The following FRAS1 variants were observed in gnomAD, a reference collection of about 807,000 sequenced individuals.
The protein encoded by FRAS1 is extracellular matrix organizing protein FRAS1.
FRAS1 carries 290 observed loss-of-function variants against 435.2 expected under a neutral mutation model. That is an observed-to-expected ratio of 0.67 (90% CI 0.61 to 0.73). FRAS1 has a LOEUF of 0.73. FRAS1 is among the 30% of genes least tolerant of loss of function. FRAS1 has a pLI of 0.00. For missense variants in FRAS1, 4,860 were observed against 5,001.5 expected (o/e 0.97, Z 0.85); for synonymous variants, 1,800 against 1,851.0 (o/e 0.97, Z 0.71).
intron 9 of FRAS1, among the ~76,000 whole-genome samples, chr4:78,273,893 C>T (rs1726851979): frequency 6.6e-6 from 1 of 152,136 alleles, no homozygotes; most frequent in South Asian, 2.1e-4. Context: ...GGAATGGTAC[C>T]AGCTCCTCCT....
chr4:78,487,391 C>G (rs1720202950), intron 58 of FRAS1, among the ~76,000 whole-genome samples: 1 of 152,178 alleles, frequency 6.6e-6, no homozygotes, highest in South Asian at 2.1e-4. Flanking sequence ...CTTATCACCC[C>G]TCCTCTCATT....
chr4:78,186,688 C>A (rs1045190977), intron 2 of FRAS1, among the ~76,000 whole-genome samples: 2 of 152,134 alleles, frequency 1.3e-5, no homozygotes, highest in African/African-American at 4.8e-5. Flanking sequence ...TAGACAACAT[C>A]AAAATTGTGT....
At chr4:78,440,017 C>CTTTTTTTTTTT (rs1163344254) in intron 40 of FRAS1, among the ~76,000 whole-genome samples, 2 of 93,034 alleles carry the variant, frequency 2.1e-5, no homozygotes, top group Non-Finnish European at 4.1e-5. Flanking sequence ...TAAGTCATTT[C>CTTTTTTTTTTT]TTTTTTTTTT....
chr4:78,412,908 C>T (rs1189978226), intron 31 of FRAS1, 61 bp from the exon 32 acceptor site: 11 of 964,154 alleles, frequency 1.1e-5, no homozygotes, highest in South Asian at 3.7e-5. Flanking sequence ...GAAAAACCCA[C>T]GTACTAACAT....
chr4:78,151,992 C>T (rs929759497), intron 2 of FRAS1, among the ~76,000 whole-genome samples: 1 of 152,238 alleles, frequency 6.6e-6, no homozygotes, highest in African/African-American at 2.4e-5. Flanking sequence ...TTGCAATAAT[C>T]GTATTAGTCT....
chr4:78,275,055 T>C (rs992673290), intron 9 of FRAS1, among the ~76,000 whole-genome samples: 3 of 152,198 alleles, frequency 2.0e-5, no homozygotes, highest in Admixed American at 6.5e-5. Flanking sequence ...ATTGATCCCT[T>C]TACCATTATG....
chr4:78,171,595 G>A (rs1721562449), intron 2 of FRAS1, among the ~76,000 whole-genome samples: 1 of 152,040 alleles, frequency 6.6e-6, no homozygotes, highest in Admixed American at 6.5e-5. Flanking sequence ...CTTCCACGGG[G>A]ACTCCCTTTG....
At chr4:78,189,119 G>C (rs1162074218) in intron 2 of FRAS1, among the ~76,000 whole-genome samples, 1 of 152,180 alleles carries the variant, frequency 6.6e-6, no homozygotes, top group Admixed American at 6.5e-5. Flanking sequence ...TACATCATCT[G>C]CTTCTAGTTC....
intron 14 of FRAS1, among the ~76,000 whole-genome samples, chr4:78,287,905 A>G (rs1375380320): frequency 2.0e-5 from 3 of 152,174 alleles, no homozygotes; most frequent in Non-Finnish European, 4.4e-5. Flanking sequence ...AGAATATGGA[A>G]GGCAGAATAG....
intron 2 of FRAS1, among the ~76,000 whole-genome samples, chr4:78,084,792 G>A (rs919049742): frequency 2.0e-5 from 3 of 152,072 alleles, no homozygotes; most frequent in Non-Finnish European, 2.9e-5. Context: ...GGTGTGTAAA[G>A]CTAATTATTG....
At chr4:78,453,589 C>G (rs989400308) in intron 47 of FRAS1, among the ~76,000 whole-genome samples, 1 of 152,030 alleles carries the variant, frequency 6.6e-6, no homozygotes, top group South Asian at 2.1e-4. Context: ...TCCCTTGAGT[C>G]CAGGAGTTTG....
intron 18 of FRAS1, among the ~76,000 whole-genome samples, chr4:78,327,274 A>C (rs1016769992): frequency 6.6e-6 from 1 of 152,126 alleles, no homozygotes; most frequent in African/African-American, 2.4e-5. Flanking sequence ...TACTCATTTC[A>C]ATTTTTAGCC....
At chr4:78,402,971 A>T (rs1044839441) in intron 30 of FRAS1, among the ~76,000 whole-genome samples, 1 of 152,136 alleles carries the variant, frequency 6.6e-6, no homozygotes, top group Non-Finnish European at 1.5e-5. Flanking sequence ...ACTGCGTCTT[A>T]TGACAGGTGA....
chr4:78,121,504 T>G lies in FRAS1; in HGVS notation c.108+55488T>G, dbSNP rs546039482. Among the ~76,000 whole-genome samples the G allele has an allele frequency of 6.6e-5, 10 of 152,274 alleles. No homozygotes were observed. The South Asian group carries it at 2.1e-3, about 32-fold the overall frequency. ...CCACAGAGCCCTAGTCAACAAGTAATGTAATCAAGCACACTCTGTCTATGT... is the reference window on the plus strand; with the variant it reads ...CCACAGAGCCCTAGTCAACAAGTAAGGTAATCAAGCACACTCTGTCTATGT... On this transcript the variant is annotated intron_variant, in intron 2 of 73. Transcript: ENST00000512123.
chr4:78,340,928 C>T (rs886249006), intron 20 of FRAS1, among the ~76,000 whole-genome samples: 3 of 152,216 alleles, frequency 2.0e-5, no homozygotes, highest in African/African-American at 7.2e-5. Context: ...TTTAAAGGCC[C>T]TATATCCAAC....
chr4:78,452,401 G>C (rs539013726), intron 47 of FRAS1, 47 bp downstream of exon 47: 9 of 1,466,788 alleles, frequency 6.1e-6, no homozygotes, highest in Non-Finnish European at 8.3e-6. Context: ...TTAGACCTTA[G>C]TAAGTATTGA....
At chr4:78,369,218 C>G (rs1731400116) in intron 22 of FRAS1, among the ~76,000 whole-genome samples, 1 of 152,130 alleles carries the variant, frequency 6.6e-6, no homozygotes, top group African/African-American at 2.4e-5. Flanking sequence ...TCAAGATAGA[C>G]TTGGAGGTTT....
At chr4:78,213,622 T>C (rs193064339) in intron 2 of FRAS1, among the ~76,000 whole-genome samples, 1 of 152,358 alleles carries the variant, frequency 6.6e-6, no homozygotes, top group East Asian at 1.9e-4. Flanking sequence ...ACAGATATAC[T>C]TGACTGCTAG....
Position 78,195,803 on chromosome 4 carries a change from C to T in FRAS1, c.109-41707C>T, listed in dbSNP as rs558574060. Among the ~76,000 whole-genome samples the T allele has an allele frequency of 5.3e-4, 80 of 152,218 alleles. 1 individual carries two copies. The South Asian group carries it at 0.016, about 31-fold the overall frequency. ...GTCCTGCACCCACTTTCTGACACTC[C>T]CCAGTGAGATGCACCTGGTACCTTA... is the stretch of plus-strand genomic sequence containing the variant. On this transcript the variant is annotated intron_variant, in intron 2 of 73. Coordinates refer to ENST00000512123, the MANE Select transcript of FRAS1 (RefSeq NM_025074.7).
Sources: gnomAD v4.1 joint callset for allele counts (sites outside exome capture counted in the v4.1 genomes callset) on GRCh38, gnomAD v4.1.1 for gene constraint, MANE v1.5 for transcripts, NCBI Gene and HGNC (gene_info 2026-07-23, HGNC 2026-07-21) for gene names.